The following ZNF184 variants were observed in gnomAD, a reference collection of about 807,000 sequenced individuals.
The protein encoded by ZNF184 is zinc finger protein 184, also known as zinc finger protein 184 (Kruppel-like).
In ZNF184, 16 loss-of-function variants were observed where a neutral mutation model predicts 54.4. The observed-to-expected ratio is 0.29, with a 90% confidence interval of 0.20 to 0.45. The LOEUF is 0.45. Ranked by LOEUF, ZNF184 falls within the 20% of genes least tolerant of loss-of-function variation. The pLI is 1.00. For synonymous variants in ZNF184, 254 were observed against 295.3 expected, an observed-to-expected ratio of 0.86 and a Z score of 1.43; for missense variants, 681 against 888.2, an observed-to-expected ratio of 0.77 and a Z score of 2.97.
downstream of ZNF184, among the ~76,000 whole-genome samples, chr6:27,448,465 T>C (rs992489297): frequency 2.6e-5 from 4 of 152,204 alleles, no homozygotes; most frequent in Admixed American, 1.3e-4. Context: ...ACAATTCAAA[T>C]CTGTGCCCGA....
At chr6:27,457,163 T>C in intron 4 of ZNF184, 120 bp downstream of exon 4, 3 of 1,409,460 alleles carry the variant, frequency 2.1e-6, no homozygotes, top group Non-Finnish European at 2.9e-6. Context: ...AGAAACCTTT[T>C]CAAAAACTAG....
the ZNF184 span, among the ~76,000 whole-genome samples, chr6:27,419,572 A>T: frequency 1.4e-4 from 21 of 146,850 alleles, no homozygotes; most frequent in African/African-American, 2.5e-4. This position sits in a 1 kb window ranked among gnomAD's most constrained non-coding sequence, Gnocchi z 4.8. Flanking sequence ...ATAGATAGAT[A>T]GATTCATAAA....
At position 27,472,542 on chromosome 6, in the gene ZNF184, A is replaced by T; in HGVS notation, c.-139-109T>A. 1 of 525,162 alleles carries T rather than the reference A, an allele frequency of 1.9e-6. No homozygotes were observed. Among genetic ancestry groups the T allele is most frequent in the Non-Finnish European group, 3.4e-6 (1 of 290,016 alleles). 32.5% of individuals were successfully genotyped at this position (525,162 alleles called of 1,614,324 possible). On this transcript the variant is annotated intron_variant, in intron 1 of 5. Coordinates refer to ENST00000683788, the MANE Select transcript of ZNF184 (RefSeq NM_001318891.2). The surrounding 1 kb of genome is among the most constrained non-coding windows in gnomAD (Gnocchi z 4.8). ...AAGAGAAGTGCCCCAAGAGAGCACTAGAGAGGTGTGTGGCACTCCGATGAA... is the reference window on the plus strand; with the variant it reads ...AAGAGAAGTGCCCCAAGAGAGCACTTGAGAGGTGTGTGGCACTCCGATGAA...
chr6:27,441,714 G>A, the ZNF184 span, among the ~76,000 whole-genome samples: 1 of 152,196 alleles, frequency 6.6e-6, no homozygotes, highest in African/African-American at 2.4e-5. Context: ...AATTGTTATT[G>A]CTATAGTCAT....
At chr6:27,424,291 GCA>G in the ZNF184 span, among the ~76,000 whole-genome samples, 1 of 152,204 alleles carries the variant, frequency 6.6e-6, no homozygotes, top group Non-Finnish European at 1.5e-5. Context: ...AGTAGTGTGA[GCA>G]CAAAGAGTAA....
chr6:27,441,902 G>A, the ZNF184 span, among the ~76,000 whole-genome samples: 3 of 152,170 alleles, frequency 2.0e-5, no homozygotes, highest in South Asian at 2.1e-4. Context: ...TTCTCTTTTC[G>A]TAGTCATACC....
chr6:27,452,940 T>C lies in ZNF184; in HGVS notation c.619A>G (p.Arg207Gly). The change falls in exon 6 of 6, where the codon AGA (arginine) becomes GGA (glycine). Residue 207 changes from arginine to glycine, a missense_variant. Physicochemically the swap from Arg to Gly is moderately radical, Grantham distance 125 (BLOSUM62 -2). Coordinates refer to ENST00000683788, the MANE Select transcript of ZNF184 (RefSeq NM_001318891.2). This position sits in a 1 kb window ranked among gnomAD's most constrained non-coding sequence, Gnocchi z 5.5. ...EPSPEETSTKRSIKQNSNPVK... is the reference protein window; with the variant it reads ...EPSPEETSTKGSIKQNSNPVK... The stretch of plus-strand genomic sequence containing the variant: ...GGGTTTGAATTCTGTTTGATGCTTC[T>C]TTTAGTAGAGGTCTCTTCTGGAGAT... 6.2e-7 allele frequency: 1 copy of C among 1,614,192 alleles called. No individual in the cohort carries two copies. The highest frequency in any genetic ancestry group is 8.5e-7 in the Non-Finnish European group (1 of 1,180,016).
At chr6:27,421,552 GAT>G in the ZNF184 span, among the ~76,000 whole-genome samples, 1 of 152,282 alleles carries the variant, frequency 6.6e-6, no homozygotes, top group East Asian at 1.9e-4. Flanking sequence ...TCCACGTACA[GAT>G]ATATGACGCT....
the ZNF184 span, among the ~76,000 whole-genome samples, chr6:27,443,566 TC>T: frequency 6.6e-6 from 1 of 152,094 alleles, no homozygotes; most frequent in African/African-American, 2.4e-5. Flanking sequence ...ACCTCAGACA[TC>T]CACACCAATA....
chr6:27,446,292 T>C (rs1283832416), downstream of ZNF184, among the ~76,000 whole-genome samples: 1 of 152,184 alleles, frequency 6.6e-6, no homozygotes, highest in Non-Finnish European at 1.5e-5. Flanking sequence ...GCACCCTCCA[T>C]GGACTCAGCT....
At chr6:27,461,778 G>A (rs1467426805) in intron 3 of ZNF184, among the ~76,000 whole-genome samples, 1 of 152,152 alleles carries the variant, frequency 6.6e-6, no homozygotes, top group African/African-American at 2.4e-5. Context: ...TGGAACTCAA[G>A]AGATAGAGCT....
rs1239336116 is a variant in ZNF184 at position 27,452,679 on chromosome 6, T to TAAG, written c.877_879dup (p.Leu293dup). On this transcript the variant is annotated inframe_insertion, in exon 6 of 6. Coordinates refer to ENST00000683788, the MANE Select transcript of ZNF184 (RefSeq NM_001318891.2). The surrounding 1 kb of genome is among the most constrained non-coding windows in gnomAD (Gnocchi z 5.5). ...CCAGTATGAATTCTTTGATGTTGAG[T>TAAG]AAGAGATGGACCCTCAATGAAGCCT... 3.1e-6 allele frequency: 5 copies of TAAG among 1,614,002 alleles called. No homozygotes were observed. Among genetic ancestry groups the TAAG allele is most frequent in the Non-Finnish European group, 4.2e-6 (5 of 1,180,014 alleles).
chr6:27,447,324 CA>C (rs761483553), downstream of ZNF184, among the ~76,000 whole-genome samples: 5 of 152,066 alleles, frequency 3.3e-5, no homozygotes, highest in Admixed American at 6.5e-5. Flanking sequence ...TTTTGAGGGT[CA>C]GGGGCAAAAT....
At chr6:27,428,198 C>A in the ZNF184 span, among the ~76,000 whole-genome samples, 4 of 152,268 alleles carry the variant, frequency 2.6e-5, no homozygotes, top group East Asian at 7.7e-4. This position sits in a 1 kb window ranked among gnomAD's most constrained non-coding sequence, Gnocchi z 4.1. Flanking sequence ...CTTCAATAAA[C>A]AATATAACCC....
the ZNF184 span, among the ~76,000 whole-genome samples, chr6:27,424,329 G>C: frequency 2.0e-5 from 3 of 152,200 alleles, no homozygotes; most frequent in Admixed American, 2.0e-4. Flanking sequence ...ATTGCAAAGA[G>C]TAAAAGAACA....
At chr6:27,416,583 A>C in the ZNF184 span, among the ~76,000 whole-genome samples, 1 of 152,072 alleles carries the variant, frequency 6.6e-6, no homozygotes, top group Non-Finnish European at 1.5e-5. Flanking sequence ...TCTCTGTTTG[A>C]ATCTCTCCTC....
intron 2 of ZNF184, among the ~76,000 whole-genome samples, chr6:27,468,513 T>C (rs1416192431): frequency 1.3e-5 from 2 of 152,192 alleles, no homozygotes; most frequent in Admixed American, 6.5e-5. Flanking sequence ...ACTCAGCAAT[T>C]CCACTCCTGT....
chr6:27,462,359 G>A (rs939545980), intron 3 of ZNF184, among the ~76,000 whole-genome samples: 6 of 151,724 alleles, frequency 4.0e-5, no homozygotes, highest in Non-Finnish European at 7.4e-5. Context: ...CACCACACCC[G>A]GCTAATTTTT....
the ZNF184 span, among the ~76,000 whole-genome samples, chr6:27,425,862 C>G: frequency 4.6e-5 from 7 of 152,194 alleles, no homozygotes; most frequent in Non-Finnish European, 8.8e-5. Flanking sequence ...CCGTTTCTAT[C>G]TTCGGGCTGT....
Sources: gnomAD v4.1 joint callset for allele counts (sites outside exome capture counted in the v4.1 genomes callset) on GRCh38, gnomAD v4.1.1 for gene constraint, Gnocchi (gnomAD v3.1) non-coding constraint, MANE v1.5 for transcripts, NCBI Gene and HGNC (gene_info 2026-07-23, HGNC 2026-07-21) for gene names.